ADAMTSL1: variants seen among roughly 807,000 people sequenced by gnomAD.
The protein encoded by ADAMTSL1 is ADAMTS-like protein 1.
A neutral mutation model predicts 201.8 loss-of-function variants in ADAMTSL1; 126 were observed. That is an observed-to-expected ratio of 0.62 (90% CI 0.54 to 0.72). The LOEUF (loss-of-function observed/expected upper bound fraction) is 0.72. ADAMTSL1 is among the 30% of genes least tolerant of loss of function. The probability of loss-of-function intolerance (pLI) is 0.00; values close to 1 mark genes in which losing one functional copy is unlikely to be tolerated. For missense variants in ADAMTSL1, 2,679 were observed against 2,277.8 expected (o/e 1.18, Z -3.59); for synonymous variants, 1,121 against 903.4 (o/e 1.24, Z -4.32).
rs1830501748 is a variant in ADAMTSL1 at position 18,909,721 on chromosome 9, T to G, written c.*1173T>G. ...TCCAGAGCTGGCCCAGGGACCGGGG[T>G]GGGACAATGGGTTTATGCGTGTCCA... On this transcript the variant is annotated 3_prime_UTR_variant, in exon 29 of 29. Coordinates refer to ENST00000380548, the MANE Select transcript of ADAMTSL1 (RefSeq NM_001040272.6). 6.6e-6 allele frequency: 1 copy of G among 152,088 alleles called. No homozygotes were observed. Among genetic ancestry groups the G allele is most frequent in the Admixed American group, 6.6e-5 (1 of 15,256 alleles). The allele number at this position is 152,088 out of a possible 1,614,324, so 9.4% of individuals were successfully genotyped here. A position where few individuals can be genotyped will look rare whatever the true frequency, so the allele number is the denominator to read the frequency against.
chr9:18,287,566 CAT>C (rs1388528711), intron 2 of ADAMTSL1, among the ~76,000 whole-genome samples: 1 of 145,706 alleles, frequency 6.9e-6, no homozygotes, highest in East Asian at 2.0e-4. Flanking sequence ...AGAAATATTA[CAT>C]ATATGTAAAT....
chr9:18,322,617 G>A (rs1458507425), intron 2 of ADAMTSL1, among the ~76,000 whole-genome samples: 1 of 151,998 alleles, frequency 6.6e-6, no homozygotes. Flanking sequence ...CCTGGGTGAC[G>A]AGAGCAAAAC....
At chr9:18,867,739 G>A (rs778087727) in intron 23 of ADAMTSL1, among the ~76,000 whole-genome samples, 6 of 152,004 alleles carry the variant, frequency 3.9e-5, no homozygotes, top group East Asian at 3.9e-4. Flanking sequence ...CAATTCTCCC[G>A]CCTCAGCCTC....
At chr9:18,157,587 C>G (rs1477318149) in intron 1 of ADAMTSL1, among the ~76,000 whole-genome samples, 2 of 152,022 alleles carry the variant, frequency 1.3e-5, no homozygotes, top group African/African-American at 4.8e-5. Flanking sequence ...TGAGGCCCAG[C>G]TGAACATTCT....
At chr9:18,317,875 C>G (rs1244062756) in intron 2 of ADAMTSL1, among the ~76,000 whole-genome samples, 1 of 152,184 alleles carries the variant, frequency 6.6e-6, no homozygotes, top group Non-Finnish European at 1.5e-5. Context: ...CCTCTAATCC[C>G]AGCGCCTAGA....
chr9:17,964,238 T>A (rs1219756881), intron 1 of ADAMTSL1, among the ~76,000 whole-genome samples: 1 of 152,182 alleles, frequency 6.6e-6, no homozygotes, highest in Non-Finnish European at 1.5e-5. Context: ...TAGTAAAAAG[T>A]GACTGCTGCC....
At chr9:18,544,368 A>G (rs1280547357) in intron 3 of ADAMTSL1, among the ~76,000 whole-genome samples, 3 of 152,218 alleles carry the variant, frequency 2.0e-5, no homozygotes, top group African/African-American at 4.8e-5. Context: ...ACTCTTGTTC[A>G]TAACTCAAGG....
At chr9:18,848,688 A>C (rs1001379) in intron 23 of ADAMTSL1, among the ~76,000 whole-genome samples, 30,908 of 152,170 alleles carry the variant, frequency 0.2, 6,509 homozygotes, top group African/African-American at 0.54. Flanking sequence ...CCTACTCTAG[A>C]CCAGAGTTGG....
At chr9:18,373,868 A>T (rs1411580771) in intron 2 of ADAMTSL1, among the ~76,000 whole-genome samples, 1 of 152,134 alleles carries the variant, frequency 6.6e-6, no homozygotes, top group Non-Finnish European at 1.5e-5. Context: ...GCCATGACAC[A>T]CATATCTCCC....
intron 1 of ADAMTSL1, among the ~76,000 whole-genome samples, chr9:18,056,064 C>G (rs1178445366): frequency 6.6e-6 from 1 of 152,028 alleles, no homozygotes; most frequent in Admixed American, 6.5e-5. Flanking sequence ...GGTCATGAAT[C>G]TCTTTTGCTC....
intron 1 of ADAMTSL1, among the ~76,000 whole-genome samples, chr9:17,943,455 T>C (rs897288759): frequency 2.0e-5 from 3 of 152,120 alleles, no homozygotes; most frequent in African/African-American, 7.2e-5. Context: ...TAATTTTTCT[T>C]GACTTCCTAA....
chr9:18,844,927 C>T (rs1443501298), intron 23 of ADAMTSL1, among the ~76,000 whole-genome samples: 1 of 152,184 alleles, frequency 6.6e-6, no homozygotes, highest in Non-Finnish European at 1.5e-5. Context: ...CCCGATTTTC[C>T]AGGTGCCGTC....
At chr9:18,570,203 G>A (rs1244787885) in intron 3 of ADAMTSL1, among the ~76,000 whole-genome samples, 1 of 148,510 alleles carries the variant, frequency 6.7e-6, no homozygotes, top group Non-Finnish European at 1.5e-5. Context: ...AATGAAGGGC[G>A]AGACCCCATT....
intron 3 of ADAMTSL1, among the ~76,000 whole-genome samples, chr9:18,567,855 TA>T (rs765715669): frequency 1.3e-5 from 2 of 152,164 alleles, no homozygotes; most frequent in Non-Finnish European, 2.9e-5. Flanking sequence ...GCAAAAATAA[TA>T]AAATAGAATT....
At chr9:18,182,800 A>G (rs1193092656) in intron 2 of ADAMTSL1, among the ~76,000 whole-genome samples, 3 of 152,204 alleles carry the variant, frequency 2.0e-5, no homozygotes, top group African/African-American at 4.8e-5. Flanking sequence ...TGTAGGTAGT[A>G]GAATGCGGGT....
intron 16 of ADAMTSL1, among the ~76,000 whole-genome samples, chr9:18,758,879 T>C (rs539361018): frequency 3.5e-4 from 53 of 152,330 alleles, no homozygotes; most frequent in African/African-American, 1.2e-3. Flanking sequence ...CTCCTTGAGA[T>C]TGGGAACCTG....
At chr9:18,570,139 G>A (rs1194090724) in intron 3 of ADAMTSL1, among the ~76,000 whole-genome samples, 1 of 151,712 alleles carries the variant, frequency 6.6e-6, no homozygotes, top group Non-Finnish European at 1.5e-5. Flanking sequence ...TGGAAGGATA[G>A]CATGAGTCCA....
chr9:18,826,297 T>G lies in ADAMTSL1; in HGVS notation c.3948T>G (p.Ala1316=). 1 of 1,611,938 alleles carries G rather than the reference T, an allele frequency of 6.2e-7. No homozygotes were observed. The highest frequency in any genetic ancestry group is 1.1e-5 in the South Asian group (1 of 90,680). The part of the protein sequence containing the change: ...INCQVAGVPE[A]EVTWFRNKSK... The stretch of plus-strand genomic sequence containing the variant: ...TTTTCTTCCTAGGAGTGCCTGAAGC[T>G]GAAGTCACTTGGTTCAGGAATAAAA... The change falls in exon 22 of 29, where the codon GCT becomes GCG. Residue 1316 remains alanine, a synonymous_variant. Transcript: ENST00000380548.
At chr9:18,637,595 A>G (rs1029421081) in intron 6 of ADAMTSL1, among the ~76,000 whole-genome samples, 1 of 152,182 alleles carries the variant, frequency 6.6e-6, no homozygotes, top group Non-Finnish European at 1.5e-5. Flanking sequence ...AGCAAACTGG[A>G]ACCTGCTTTT....
Sources: gnomAD v4.1 joint callset for allele counts (sites outside exome capture counted in the v4.1 genomes callset) on GRCh38, gnomAD v4.1.1 for gene constraint, MANE v1.5 for transcripts, NCBI Gene and HGNC (gene_info 2026-07-23, HGNC 2026-07-21) for gene names.